Variants in KCNH7 observed in about 807,000 individuals in gnomAD.
KCNH7 encodes the protein voltage-gated inwardly rectifying potassium channel KCNH7.
A neutral mutation model predicts 120.8 loss-of-function variants in KCNH7; 49 were observed. That is an observed-to-expected ratio of 0.41 (90% confidence interval 0.32 to 0.51). The LOEUF (loss-of-function observed/expected upper bound fraction) is 0.51. Among genes scored for constraint, KCNH7 ranks in the 20% least tolerant of loss-of-function variants. KCNH7 has a pLI of 0.38. For synonymous variants in KCNH7, 547 were observed against 516.1 expected, an observed-to-expected ratio of 1.06 and a Z score of -0.81; for missense variants, 1,097 against 1,446.6, an observed-to-expected ratio of 0.76 and a Z score of 3.92.
intron 2 of KCNH7, among the ~76,000 whole-genome samples, chr2:162,618,380 C>A (rs1683221425): frequency 6.6e-6 from 1 of 151,768 alleles, no homozygotes; most frequent in South Asian, 2.1e-4. Flanking sequence ...CAACATGGAT[C>A]CTAAAGTATC....
At chr2:162,381,131 T>A (rs572099071) in intron 13 of KCNH7, among the ~76,000 whole-genome samples, 1 of 152,030 alleles carries the variant, frequency 6.6e-6, no homozygotes, top group African/African-American at 2.4e-5. Flanking sequence ...GGAGGGCTAG[T>A]AGGAAGGAAG....
At chr2:162,431,561 T>C (rs1688070232) in intron 8 of KCNH7, among the ~76,000 whole-genome samples, 1 of 151,972 alleles carries the variant, frequency 6.6e-6, no homozygotes, top group Non-Finnish European at 1.5e-5. Context: ...CATGGTGCAG[T>C]TCTCCAGGAG....
chr2:162,569,125 T>A lies in KCNH7; in HGVS notation c.308-32045A>T, dbSNP rs575254158. ...AATGGTACCAGTTCCTCCTTGCACC[T>A]CTGGTAGAATTCGGCTGTGAATCCA... On this transcript the variant is annotated intron_variant, in intron 2 of 15. Transcript: ENST00000332142. Among the ~76,000 whole-genome samples, 29 of 152,180 alleles carry A rather than the reference T, an allele frequency of 1.9e-4. No individual in the cohort carries two copies. In the South Asian group the frequency reaches 5.6e-3, roughly 29 times the overall value.
intron 12 of KCNH7, among the ~76,000 whole-genome samples, chr2:162,392,166 C>A (rs958401998): frequency 3.3e-5 from 5 of 151,910 alleles, no homozygotes; most frequent in African/African-American, 1.2e-4. Flanking sequence ...GAAAGAGAAG[C>A]TTTACATTTG....
At chr2:162,529,075 C>T (rs1056421119) in intron 3 of KCNH7, among the ~76,000 whole-genome samples, 2 of 151,874 alleles carry the variant, frequency 1.3e-5, no homozygotes, top group African/African-American at 4.8e-5. Context: ...AATGCTAAAT[C>T]GCCCAGAAAT....
At chr2:162,394,610 G>T in intron 11 of KCNH7, 125 bp from the exon 12 acceptor site, 1 of 611,608 alleles carries the variant, frequency 1.6e-6, no homozygotes, top group South Asian at 2.0e-5. Context: ...TTAGATTGCA[G>T]GCAAACAGCT....
rs146332584 is a variant in KCNH7, at chr2:162,562,386, C to T, written c.308-25306G>A. On this transcript the variant is annotated intron_variant, in intron 2 of 15. Transcript: ENST00000332142. ...AGTTGTAAGGATGTGGGCTTGACGG[C>T]TCCTTCTGTCTGTGTATATGCCACT... Among the ~76,000 whole-genome samples, 262 of 152,188 alleles carry T rather than the reference C, an allele frequency of 1.7e-3. 1 individual carries two copies. The highest frequency in any genetic ancestry group is 5.0e-3 in the South Asian group (24 of 4,828).
intron 2 of KCNH7, among the ~76,000 whole-genome samples, chr2:162,655,360 T>G (rs1684713086): frequency 6.6e-6 from 1 of 152,216 alleles, no homozygotes; most frequent in African/African-American, 2.4e-5. Flanking sequence ...ATTTTAATAT[T>G]TTTAAAGCAT....
At chr2:162,502,454 C>T (rs1690717470) in intron 6 of KCNH7, among the ~76,000 whole-genome samples, 1 of 151,930 alleles carries the variant, frequency 6.6e-6, no homozygotes, top group African/African-American at 2.4e-5. Context: ...TTTCCCAGTC[C>T]TGAAATTTGC....
intron 9 of KCNH7, among the ~76,000 whole-genome samples, chr2:162,402,756 C>T (rs772483938): frequency 3.2e-4 from 48 of 151,808 alleles, no homozygotes; most frequent in South Asian, 1.9e-3. Context: ...CCTTAAGTAT[C>T]CTTAAGTAAA....
intron 2 of KCNH7, among the ~76,000 whole-genome samples, chr2:162,711,454 G>A (rs1559094421): frequency 6.6e-6 from 1 of 152,218 alleles, no homozygotes; most frequent in Non-Finnish European, 1.5e-5. Flanking sequence ...ACATTTGAAA[G>A]ACTTCTGCAA....
intron 2 of KCNH7, among the ~76,000 whole-genome samples, chr2:162,698,230 G>A (rs1047202657): frequency 6.6e-6 from 1 of 152,070 alleles, no homozygotes; most frequent in African/African-American, 2.4e-5. Flanking sequence ...CGATATCAAT[G>A]AGAAAGTGTT....
intron 9 of KCNH7, among the ~76,000 whole-genome samples, chr2:162,417,679 C>T (rs542015825): frequency 9.2e-5 from 14 of 152,120 alleles, no homozygotes; most frequent in Non-Finnish European, 1.9e-4. Flanking sequence ...GGCTAAAGGT[C>T]AGATCCTACC....
At chr2:162,475,950 A>G (rs1689726087) in intron 6 of KCNH7, among the ~76,000 whole-genome samples, 1 of 152,222 alleles carries the variant, frequency 6.6e-6, no homozygotes, top group African/African-American at 2.4e-5. Context: ...TTGTATGAAC[A>G]CTGAAATTCC....
chr2:162,565,979 T>A (rs753762900), intron 2 of KCNH7, among the ~76,000 whole-genome samples: 2 of 152,108 alleles, frequency 1.3e-5, no homozygotes, highest in East Asian at 1.9e-4. Context: ...GTACTTTGTA[T>A]GCTAAATACT....
chr2:162,504,602 G>A lies in KCNH7; in HGVS notation c.969C>T (p.Leu323=), dbSNP rs751184207. 6.2e-7 allele frequency: 1 copy of A among 1,613,032 alleles called. No homozygotes were observed. Among genetic ancestry groups the A allele is most frequent in the South Asian group, 1.1e-5 (1 of 91,052 alleles). The change falls in exon 6 of 16, where the codon CTC becomes CTT. Residue 323 remains leucine, a synonymous_variant. Transcript: ENST00000332142. Reference sequence around the variant, plus strand: ...TCTTGTTAATGGTGCTGTATTTGTTGAGGTTTGAATCTGATGTGGATCCCA... The same window carrying A: ...TCTTGTTAATGGTGCTGTATTTGTTAAGGTTTGAATCTGATGTGGATCCCA... ...SLLGSTSDSN[L]NKYSTINKIP...
intron 2 of KCNH7, among the ~76,000 whole-genome samples, chr2:162,785,859 A>G (rs970755686): frequency 2.6e-5 from 4 of 152,108 alleles, no homozygotes; most frequent in African/African-American, 9.7e-5. Flanking sequence ...TGGACACTGA[A>G]TTGTAACTGT....
At chr2:162,656,167 C>T (rs963180465) in intron 2 of KCNH7, among the ~76,000 whole-genome samples, 87 of 152,150 alleles carry the variant, frequency 5.7e-4, no homozygotes, top group African/African-American at 2.0e-3. Flanking sequence ...GATAGCTAGT[C>T]TGTTGTAAAT....
At chr2:162,401,679 A>T (rs1687068088) in intron 9 of KCNH7, among the ~76,000 whole-genome samples, 1 of 152,050 alleles carries the variant, frequency 6.6e-6, no homozygotes, top group South Asian at 2.1e-4. Context: ...GATATATTAT[A>T]AAGAGGACCA....
Sources: gnomAD v4.1 joint callset for allele counts (sites outside exome capture counted in the v4.1 genomes callset) on GRCh38, gnomAD v4.1.1 for gene constraint, MANE v1.5 for transcripts, NCBI Gene and HGNC (gene_info 2026-07-23, HGNC 2026-07-21) for gene names.